The following PRKG1 variants were observed in gnomAD, a reference collection of about 807,000 sequenced individuals.
The protein encoded by PRKG1 is cGMP-dependent protein kinase 1.
PRKG1 carries 35 observed loss-of-function variants against 88.1 expected under a neutral mutation model. The ratio of observed to expected loss-of-function variants is 0.40; its 90% confidence interval spans 0.30 to 0.53. PRKG1 has a LOEUF of 0.53. Among genes scored for constraint, PRKG1 ranks in the 20% least tolerant of loss-of-function variants. The pLI is 0.59. For missense variants in PRKG1, 540 were observed against 839.8 expected, an observed-to-expected ratio of 0.64 and a Z score of 4.41; for synonymous variants, 303 against 292.5, an observed-to-expected ratio of 1.04 and a Z score of -0.37.
rs1302044858 is a variant in PRKG1, at chr10:51,158,252, T to C, written c.478+4922T>C. Among the ~76,000 whole-genome samples the C allele has an allele frequency of 2.0e-5, 3 of 151,912 alleles. No homozygotes were observed. In the South Asian group the frequency reaches 6.2e-4, roughly 31 times the overall value. ...AGAGGTAGGCATTCTGTTATCTACA[T>C]GTTAATAAATGGTAAACTGATGCCT... On this transcript the variant is annotated intron_variant, in intron 2 of 17. Coordinates refer to ENST00000373980, the MANE Select transcript of PRKG1 (RefSeq NM_006258.4).
intron 12 of PRKG1, among the ~76,000 whole-genome samples, chr10:52,277,219 T>A (rs1013893908): frequency 6.6e-6 from 1 of 151,952 alleles, no homozygotes; most frequent in African/African-American, 2.4e-5. Flanking sequence ...TTTTGGCCCA[T>A]GTGAGAAGCA....
Position 51,591,991 on chromosome 10 carries a change from T to C in PRKG1, c.592+124155T>C, listed in dbSNP as rs149282520. 3.9e-5 allele frequency among the ~76,000 whole-genome samples: 6 copies of C among 152,318 alleles called. No homozygotes were observed. The East Asian group carries it at 1.2e-3, about 29-fold the overall frequency. ...TGTTAGGGGGGAAAACACATTCTAA[T>C]ACAGCTTCTAATTTGCCTTGCTAAT... On this transcript the variant is annotated intron_variant, in intron 3 of 17. Transcript: ENST00000373980.
intron 1 of PRKG1, among the ~76,000 whole-genome samples, chr10:51,027,820 T>A (rs1843227174): frequency 6.6e-6 from 1 of 152,178 alleles, no homozygotes; most frequent in African/African-American, 2.4e-5. Context: ...CTGTTTAAGA[T>A]TCTTAGTTTC....
At chr10:52,190,449 A>T (rs1839333150) in intron 9 of PRKG1, among the ~76,000 whole-genome samples, 1 of 152,226 alleles carries the variant, frequency 6.6e-6, no homozygotes, top group Non-Finnish European at 1.5e-5. Context: ...AATAAATATG[A>T]ATATGGTGAT....
chr10:51,225,809 A>T (rs1838677177), intron 2 of PRKG1, among the ~76,000 whole-genome samples: 1 of 152,196 alleles, frequency 6.6e-6, no homozygotes, highest in Non-Finnish European at 1.5e-5. Context: ...GAACTCACAG[A>T]ATATAGAATA....
At chr10:52,263,407 A>G (rs1841483379) in intron 10 of PRKG1, among the ~76,000 whole-genome samples, 1 of 152,070 alleles carries the variant, frequency 6.6e-6, no homozygotes. Context: ...ATTCTTTAAC[A>G]ACTTCATTGA....
intron 2 of PRKG1, among the ~76,000 whole-genome samples, chr10:51,328,440 G>A (rs1349993932): frequency 1.3e-5 from 2 of 152,146 alleles, no homozygotes; most frequent in Non-Finnish European, 2.9e-5. Context: ...CAATGAACAC[G>A]GAAGTGCAAA....
intron 2 of PRKG1, among the ~76,000 whole-genome samples, chr10:51,342,808 C>A (rs946386363): frequency 1.3e-5 from 2 of 152,136 alleles, no homozygotes; most frequent in African/African-American, 2.4e-5. Flanking sequence ...TAAAGTAAGA[C>A]AGCAATATGA....
At chr10:52,045,716 A>G (rs1310609480) in intron 5 of PRKG1, among the ~76,000 whole-genome samples, 1 of 152,100 alleles carries the variant, frequency 6.6e-6, no homozygotes, top group African/African-American at 2.4e-5. Context: ...TAAAAGAAAA[A>G]AAAACAATTT....
chr10:51,844,156 A>T (rs928232116), intron 4 of PRKG1, among the ~76,000 whole-genome samples: 1 of 152,188 alleles, frequency 6.6e-6, no homozygotes, highest in Admixed American at 6.5e-5. Context: ...AAAGAATGAC[A>T]TATTTTCAAG....
intron 4 of PRKG1, 138 bp downstream of exon 4, chr10:51,804,828 G>C (rs964574058): frequency 6.6e-6 from 4 of 603,318 alleles, no homozygotes; most frequent in Non-Finnish European, 1.2e-5. Context: ...AGAGATGTAA[G>C]ACTTCGAACA....
intron 3 of PRKG1, among the ~76,000 whole-genome samples, chr10:51,511,978 T>G (rs899860553): frequency 2.0e-5 from 3 of 152,082 alleles, no homozygotes; most frequent in African/African-American, 7.2e-5. Flanking sequence ...GCATGACAAC[T>G]CAAATGAACT....
At chr10:51,898,364 A>T (rs149815257) in intron 4 of PRKG1, among the ~76,000 whole-genome samples, 1 of 152,034 alleles carries the variant, frequency 6.6e-6, no homozygotes, top group African/African-American at 2.4e-5. Context: ...TATAATATAC[A>T]TTACTTATTA....
chr10:52,203,218 T>C (rs368699165), intron 9 of PRKG1, among the ~76,000 whole-genome samples: 2 of 152,316 alleles, frequency 1.3e-5, no homozygotes, highest in East Asian at 3.9e-4. Context: ...ACTGTATCTT[T>C]GTTCTCATTA....
At chr10:52,119,614 C>T (rs1009472391) in intron 7 of PRKG1, among the ~76,000 whole-genome samples, 1 of 152,100 alleles carries the variant, frequency 6.6e-6, no homozygotes, top group African/African-American at 2.4e-5. Flanking sequence ...TTTTTCAGCC[C>T]TGTGAATGAA....
chr10:51,147,805 A>T (rs1463547197), intron 1 of PRKG1, among the ~76,000 whole-genome samples: 1 of 152,160 alleles, frequency 6.6e-6, no homozygotes, highest in East Asian at 1.9e-4. Context: ...TTGTCATAAG[A>T]TTGGGATAGC....
At chr10:52,228,588 C>T (rs1840448217) in intron 9 of PRKG1, among the ~76,000 whole-genome samples, 1 of 152,218 alleles carries the variant, frequency 6.6e-6, no homozygotes, top group African/African-American at 2.4e-5. Flanking sequence ...CAAACATCTG[C>T]TCCCCTTTAC....
intron 3 of PRKG1, among the ~76,000 whole-genome samples, chr10:51,469,359 T>G (rs146228254): frequency 3.7e-4 from 57 of 152,020 alleles, no homozygotes; most frequent in African/African-American, 1.2e-3. Context: ...CTTGATACTT[T>G]AATCTAATTG....
rs1202670745 is a variant in PRKG1, at chr10:51,141,777, T to G, written c.312-11387T>G. Among the ~76,000 whole-genome samples, 4 of 152,168 alleles carry G rather than the reference T, an allele frequency of 2.6e-5. No homozygotes were observed. In the South Asian group the frequency reaches 8.3e-4, roughly 31 times the overall value. ...AACTCAGATTATAGTGTATGAACCC[T>G]TATACTAACATGCTTTAAGGTTACA... On this transcript the variant is annotated intron_variant, in intron 1 of 17. Coordinates refer to ENST00000373980, the MANE Select transcript of PRKG1 (RefSeq NM_006258.4).
Sources: allele counts gnomAD v4.1 joint callset (sites outside exome capture counted in the v4.1 genomes callset), GRCh38; gene constraint gnomAD v4.1.1; transcripts MANE v1.5; gene names NCBI Gene and HGNC (gene_info 2026-07-23, HGNC 2026-07-21).